CRYBG3: variants seen among roughly 807,000 people sequenced by gnomAD.
CRYBG3 encodes very large A-kinase anchor protein.
In CRYBG3, 127 loss-of-function variants were observed where a neutral mutation model predicts 244.2. The observed-to-expected ratio is 0.52, with a 90% CI of 0.45 to 0.60. The LOEUF (loss-of-function observed/expected upper bound fraction) is 0.60. CRYBG3 is among the 20% of genes least tolerant of loss of function. The pLI, the probability that CRYBG3 is intolerant of heterozygous loss-of-function variation, is 0.00. For synonymous variants in CRYBG3, 1,132 were observed against 1,195.8 expected, an observed-to-expected ratio of 0.95 and a Z score of 1.10; for missense variants, 3,325 against 3,442.5, an observed-to-expected ratio of 0.97 and a Z score of 0.85.
At chr3:97,912,330 A>C (rs74917880) in intron 16 of CRYBG3, 54 bp downstream of exon 16, 14,272 of 905,248 alleles carry the variant, frequency 0.016, 157 homozygotes, top group African/African-American at 0.042. Flanking sequence ...AATACTTTTA[A>C]ATTTACAGAG....
At chr3:97,848,579 G>A (rs2038936387) in intron 2 of CRYBG3, among the ~76,000 whole-genome samples, 1 of 152,162 alleles carries the variant, frequency 6.6e-6, no homozygotes, top group Non-Finnish European at 1.5e-5. Flanking sequence ...GGGATTGCAG[G>A]CATGAGCCAC....
chr3:97,888,115 ACTTATTATAGGACAGATAG>A (rs1305547064), intron 8 of CRYBG3, among the ~76,000 whole-genome samples: 7 of 152,212 alleles, frequency 4.6e-5, no homozygotes, highest in Admixed American at 4.6e-4. Context: ...AATGTATCAG[ACTTATTATAGGACAGATAG>A]CTTATTATAG....
Position 97,877,846 on chromosome 3 carries a change from T to C in CRYBG3, c.6652T>C (p.Ser2218Pro), listed in dbSNP as rs1464283054. ...AGTTGGTCTGTGGCCAGAAAAGACC[T>C]CGTTTCTCCAGAAATCTGACCTTAC... ...LQVGLWPEKTSFLQKSDLTSK... is the reference protein window; with the variant it reads ...LQVGLWPEKTPFLQKSDLTSK... Residue 2218 changes from serine (S) to proline (P), a missense_variant, in exon 4 of 22, where the codon TCG (serine) becomes CCG (proline). Physicochemically the swap from Ser to Pro is moderately conservative, Grantham distance 74. Transcript: ENST00000389622. The C allele has an allele frequency of 6.2e-7, 1 of 1,614,100 alleles. No homozygotes were observed. Among genetic ancestry groups the C allele is most frequent in the Admixed American group, 1.7e-5 (1 of 60,008 alleles).
At chr3:97,838,827 G>A (rs1230085066) in intron 1 of CRYBG3, among the ~76,000 whole-genome samples, 1 of 152,104 alleles carries the variant, frequency 6.6e-6, no homozygotes, top group African/African-American at 2.4e-5. Flanking sequence ...AAATTTAGAA[G>A]GTTAAAGTGA....
chr3:97,858,399 T>C (rs903178363), intron 2 of CRYBG3, among the ~76,000 whole-genome samples: 1 of 152,082 alleles, frequency 6.6e-6, no homozygotes, highest in African/African-American at 2.4e-5. Flanking sequence ...TTGGGGACTT[T>C]TGAGCTTCCT....
In CRYBG3 at chr3:97,877,867, C is replaced by T. The variant is rs2039400035; in HGVS notation, c.6673C>T (p.Leu2225Phe). 3.1e-6 allele frequency: 5 copies of T among 1,614,072 alleles called. No individual in the cohort carries two copies. The highest frequency in any genetic ancestry group is 4.2e-6 in the Non-Finnish European group (5 of 1,179,998). ...GACCTCGTTTCTCCAGAAATCTGAC[C>T]TTACTTCTAAACTACATTCTTCTTT... is the stretch of plus-strand genomic sequence containing the variant. Reference protein sequence around the residue: ...EKTSFLQKSDLTSKLHSSLKS... With the variant: ...EKTSFLQKSDFTSKLHSSLKS... Residue 2225 changes from leucine to phenylalanine, a missense_variant, in exon 4 of 22, where the codon CTT becomes TTT. Leu to Phe is a conservative substitution (Grantham distance 22). This residue lies in a region of CRYBG3 where 450 missense variants were observed against 424.1 expected (regional missense o/e 1.06). Transcript: ENST00000389622.
At chr3:97,889,266 A>G in intron 9 of CRYBG3, 89 bp from the exon 10 acceptor site, 1 of 1,013,718 alleles carries the variant, frequency 9.9e-7, no homozygotes, top group Non-Finnish European at 1.5e-6. Flanking sequence ...TTAGATTTTT[A>G]TGTAACCTAC....
rs187964233 is a variant in CRYBG3 at position 97,847,738 on chromosome 3, C to T, written c.216+4477C>T. Reference sequence around the variant, plus strand: ...GGCATCTGCCTTATATGAAATCTACCACTGGTCCCATTTTAGAAATGCTGC... The same window carrying T: ...GGCATCTGCCTTATATGAAATCTACTACTGGTCCCATTTTAGAAATGCTGC... On this transcript the variant is annotated intron_variant, in intron 2 of 21. Coordinates refer to ENST00000389622, the MANE Select transcript of CRYBG3 (RefSeq NM_153605.4). Among the ~76,000 whole-genome samples the T allele has an allele frequency of 1.3e-3, 204 of 152,278 alleles. 1 individual carries two copies. Among genetic ancestry groups the T allele is most frequent in the East Asian group, 0.013 (66 of 5,186 alleles).
chr3:97,866,087 T>G (rs1200570259), intron 3 of CRYBG3, among the ~76,000 whole-genome samples: 1 of 152,178 alleles, frequency 6.6e-6, no homozygotes, highest in East Asian at 1.9e-4. Context: ...TGAAAAAACA[T>G]TTATTTTCAT....
intron 2 of CRYBG3, among the ~76,000 whole-genome samples, chr3:97,850,114 T>C (rs1162163578): frequency 3.9e-5 from 6 of 152,186 alleles, no homozygotes; most frequent in Non-Finnish European, 1.5e-5. Context: ...TATTTTAGCT[T>C]CCTGCTATTT....
At chr3:97,900,940 G>A (rs750040443) in intron 15 of CRYBG3, among the ~76,000 whole-genome samples, 1 of 152,138 alleles carries the variant, frequency 6.6e-6, no homozygotes, top group Non-Finnish European at 1.5e-5. Flanking sequence ...CATTTCTACT[G>A]TATTAATAGT....
Position 97,875,436 on chromosome 3 carries a change from T to A in CRYBG3, c.4242T>A (p.Ser1414=). Reference sequence around the variant, plus strand: ...TTTCTGGAAATGGATCTGGACTGTCTGATAGTATAAATTTGCAGGAATCAG... The same window carrying A: ...TTTCTGGAAATGGATCTGGACTGTCAGATAGTATAAATTTGCAGGAATCAG... ...SLFSGNGSGL[S]DSINLQESDT... The change falls in exon 4 of 22, where the codon TCT becomes TCA. Residue 1414 remains serine (S), a synonymous_variant. Transcript: ENST00000389622. 1 of 1,348,984 alleles carries A rather than the reference T, an allele frequency of 7.4e-7. No individual in the cohort carries two copies. Among genetic ancestry groups the A allele is most frequent in the Non-Finnish European group, 9.5e-7 (1 of 1,058,004 alleles). 83.6% of individuals were successfully genotyped at this position (1,348,984 alleles called of 1,614,324 possible). A position where few individuals can be genotyped will look rare whatever the true frequency, so the allele number is the denominator to read the frequency against.
intron 7 of CRYBG3, among the ~76,000 whole-genome samples, chr3:97,886,185 G>A (rs904063871): frequency 3.3e-5 from 5 of 152,118 alleles, no homozygotes; most frequent in South Asian, 2.1e-4. Flanking sequence ...AAACACTGAA[G>A]AGGGTACTGC....
At chr3:97,895,679 C>T (rs1184140007) in intron 11 of CRYBG3, among the ~76,000 whole-genome samples, 2 of 152,200 alleles carry the variant, frequency 1.3e-5, no homozygotes, top group African/African-American at 4.8e-5. Flanking sequence ...CTCTGACCAA[C>T]TTGCGCTGTA....
chr3:97,874,159 A>T lies in CRYBG3; in HGVS notation c.2965A>T (p.Ser989Cys), dbSNP rs2039341391. The T allele has an allele frequency of 6.5e-7, 1 of 1,531,846 alleles. No individual in the cohort carries two copies. 94.9% of individuals were successfully genotyped at this position (1,531,846 alleles called of 1,614,324 possible). A position where few individuals can be genotyped will look rare whatever the true frequency, so the allele number is the denominator to read the frequency against. ...TGGTCACTCAGAAATGGCGGAACTC[A>T]GCTTAACTAATATTTCCCCTAAATT... Reference protein sequence around the residue: ...ISGHSEMAELSLTNISPKFQE... With the variant: ...ISGHSEMAELCLTNISPKFQE... Residue 989 changes from serine (S) to cysteine (C), a missense_variant, in exon 4 of 22, where the codon AGC becomes TGC. Physicochemically the swap from Ser to Cys is moderately radical, Grantham distance 112. Transcript: ENST00000389622.
At position 97,881,117 on chromosome 3, in the gene CRYBG3, G is replaced by T. The variant is rs749376743; in HGVS notation, c.7050G>T (p.Val2350=). 12 of 1,610,718 alleles carry T rather than the reference G, an allele frequency of 7.5e-6. No homozygotes were observed. Among genetic ancestry groups the T allele is most frequent in the East Asian group, 2.2e-5 (1 of 44,686 alleles). ...EKPHFRGQKC[V]LEEGEKVLNR... is the part of the protein sequence containing the mutation. ...CACATTTCCGAGGTCAGAAATGTGT[G>T]CTAGAAGAAGGGGAAAAGGTGTTAA... The change falls in exon 7 of 22, where the codon GTG becomes GTT. Residue 2350 remains valine (V), a synonymous_variant. Transcript: ENST00000389622.
At chr3:97,942,124 T>G in intron 20 of CRYBG3, 160 bp from the exon 21 acceptor site, 1 of 490,752 alleles carries the variant, frequency 2.0e-6, no homozygotes, top group Non-Finnish European at 3.3e-6. Flanking sequence ...AAAGAAGACA[T>G]TAAAAAAGGC....
chr3:97,833,790 A>G (rs1205584630), intron 1 of CRYBG3, among the ~76,000 whole-genome samples: 1 of 152,166 alleles, frequency 6.6e-6, no homozygotes, highest in Non-Finnish European at 1.5e-5. Flanking sequence ...TGTGCTATAA[A>G]GGAATACCTG....
chr3:97,923,343 TAAAAA>T (rs547633908), intron 17 of CRYBG3, among the ~76,000 whole-genome samples: 2 of 151,484 alleles, frequency 1.3e-5, no homozygotes, highest in Admixed American at 1.3e-4. Context: ...ATAATAATAA[TAAAAA>T]AAAGTGTAGA....
Sources: allele counts gnomAD v4.1 joint callset (sites outside exome capture counted in the v4.1 genomes callset), GRCh38; gene constraint gnomAD v4.1.1; regional missense constraint gnomAD v4.1.1; transcripts MANE v1.5; gene names NCBI Gene and HGNC (gene_info 2026-07-23, HGNC 2026-07-21).